Variants in CD226 observed in about 807,000 individuals in gnomAD.
CD226 encodes CD226 antigen.
CD226 carries 24 observed loss-of-function variants against 34.9 expected under a neutral mutation model. The ratio of observed to expected loss-of-function variants is 0.69; its 90% confidence interval spans 0.50 to 0.97. The LOEUF (loss-of-function observed/expected upper bound fraction) is 0.97, where lower values mean the gene tolerates loss of function less well. Among genes scored for constraint, CD226 ranks in the 50% least tolerant of loss-of-function variants. The pLI is 0.00. For synonymous variants in CD226, 148 were observed against 147.4 expected (o/e 1.00, Z -0.03); for missense variants, 397 against 412.7 (o/e 0.96, Z 0.33).
Position 69,864,278 on chromosome 18 carries a change from A to C in CD226, c.*36T>G. ...ATAAAGATCCATGCATGAGTACATAAGAGTCATTACTAATGCACTCATGTC... is the reference window on the plus strand; with the variant it reads ...ATAAAGATCCATGCATGAGTACATACGAGTCATTACTAATGCACTCATGTC... On this transcript the variant is annotated 3_prime_UTR_variant, in exon 6 of 6. Transcript: ENST00000582621. The C allele has an allele frequency of 6.2e-7, 1 of 1,608,578 alleles. No homozygotes were observed. The highest frequency in any genetic ancestry group is 8.5e-7 in the Non-Finnish European group (1 of 1,175,386).
In CD226 at chr18:69,939,224, T is replaced by A. The variant is rs77692025; in HGVS notation, c.382+7510A>T. Among the ~76,000 whole-genome samples, 16 of 152,368 alleles carry A rather than the reference T, an allele frequency of 1.1e-4. No homozygotes were observed. In the East Asian group the frequency reaches 3.1e-3, roughly 29 times the overall value. On this transcript the variant is annotated intron_variant, in intron 2 of 5. Transcript: ENST00000582621. ...AAAGACCCTTTCAGCCCTTCCTGAT[T>A]CTATTCTATCCCCCACCTACCATGT...
At chr18:69,897,172 A>G (rs1445023852) in intron 2 of CD226, among the ~76,000 whole-genome samples, 2 of 152,210 alleles carry the variant, frequency 1.3e-5, no homozygotes, top group Admixed American at 1.3e-4. Flanking sequence ...TGCATGCTTG[A>G]AAATTCTTGT....
At chr18:69,883,964 G>A (rs1242257248) in intron 3 of CD226, among the ~76,000 whole-genome samples, 1 of 152,242 alleles carries the variant, frequency 6.6e-6, no homozygotes, top group East Asian at 1.9e-4. Flanking sequence ...GGGATAAACT[G>A]CCTGGGCAAA....
chr18:69,880,941 G>A (rs576167700), intron 3 of CD226, among the ~76,000 whole-genome samples: 1 of 152,246 alleles, frequency 6.6e-6, no homozygotes, highest in Non-Finnish European at 1.5e-5. Flanking sequence ...GTGAGCCACA[G>A]CACCCAGCCA....
upstream of CD226, among the ~76,000 whole-genome samples, chr18:69,959,774 G>A (rs2055921004): frequency 6.6e-6 from 1 of 152,202 alleles, no homozygotes; most frequent in South Asian, 2.1e-4. Flanking sequence ...GCTGCTGACT[G>A]ACGATACCTG....
chr18:69,927,586 G>A (rs745689209), intron 2 of CD226, among the ~76,000 whole-genome samples: 15 of 151,792 alleles, frequency 9.9e-5, no homozygotes, highest in Non-Finnish European at 2.9e-5. Flanking sequence ...CTGAATCAAT[G>A]AATTTGACTC....
At chr18:69,911,739 G>A (rs1408412796) in intron 2 of CD226, among the ~76,000 whole-genome samples, 1 of 152,032 alleles carries the variant, frequency 6.6e-6, no homozygotes, top group African/African-American at 2.4e-5. Context: ...CTAATCACTT[G>A]ATTAAAATAA....
In CD226 at chr18:69,862,329, T is replaced by C. The variant is rs377625220; in HGVS notation, c.*1985A>G. The C allele has an allele frequency of 1.3e-5, 2 of 152,308 alleles. No homozygotes were observed. The highest frequency in any genetic ancestry group is 2.9e-5 in the Non-Finnish European group (2 of 67,986). The allele number at this position is 152,308 out of a possible 1,614,324, so 9.4% of individuals were successfully genotyped here. On this transcript the variant is annotated 3_prime_UTR_variant, in exon 6 of 6. Transcript: ENST00000582621. Reference sequence around the variant, plus strand: ...AGTAATATTTTGATTGTCTTTACCATTCAGAAAAGAAATTATTTACCTTTT... The same window carrying C: ...AGTAATATTTTGATTGTCTTTACCACTCAGAAAAGAAATTATTTACCTTTT...
At chr18:69,917,665 T>A (rs1218033741) in intron 2 of CD226, among the ~76,000 whole-genome samples, 1 of 152,194 alleles carries the variant, frequency 6.6e-6, no homozygotes, top group Non-Finnish European at 1.5e-5. Flanking sequence ...AAGTTGATAG[T>A]TTGAGTTTAC....
intron 2 of CD226, among the ~76,000 whole-genome samples, chr18:69,928,524 C>T (rs1400252906): frequency 6.6e-6 from 1 of 152,082 alleles, no homozygotes; most frequent in Non-Finnish European, 1.5e-5. Context: ...AACATGGATT[C>T]CTGTTTTAGG....
Position 69,863,446 on chromosome 18 carries a change from T to C in CD226, c.*868A>G, listed in dbSNP as rs946465076. 4 of 152,214 alleles carry C rather than the reference T, an allele frequency of 2.6e-5. No individual in the cohort carries two copies. Among genetic ancestry groups the C allele is most frequent in the African/African-American group, 7.2e-5 (3 of 41,464 alleles). The allele number at this position is 152,214 out of a possible 1,614,324, so 9.4% of individuals were successfully genotyped here. A position where few individuals can be genotyped will look rare whatever the true frequency, so the allele number is the denominator to read the frequency against. On this transcript the variant is annotated 3_prime_UTR_variant, in exon 6 of 6. Coordinates refer to ENST00000582621, the MANE Select transcript of CD226 (RefSeq NM_001303618.2). ...CAAGAATTCTATACAGAATGAGAGA[T>C]AAATAAATATGAGAATAGTAAAGGA...
intron 2 of CD226, among the ~76,000 whole-genome samples, chr18:69,914,981 G>T (rs77262078): frequency 0.021 from 3,176 of 152,272 alleles, 48 homozygotes; most frequent in Middle Eastern, 0.041. Flanking sequence ...TACCAGAGTT[G>T]TTCATTTTGG....
Position 69,857,817 on chromosome 18 carries a change from T to C in CD226, c.*6497A>G. On this transcript the variant is annotated 3_prime_UTR_variant, in exon 6 of 6. Coordinates refer to ENST00000582621, the MANE Select transcript of CD226 (RefSeq NM_001303618.2). Reference sequence around the variant, plus strand: ...CTCTGCTTTCTTCCTGTAATAATATTGGTTTCTATAGGTCAAATGATACAC... The same window carrying C: ...CTCTGCTTTCTTCCTGTAATAATATCGGTTTCTATAGGTCAAATGATACAC... 1 of 152,174 alleles carries C rather than the reference T, an allele frequency of 6.6e-6. No homozygotes were observed. The highest frequency in any genetic ancestry group is 1.5e-5 in the Non-Finnish European group (1 of 68,038). 9.4% of individuals were successfully genotyped at this position (152,174 alleles called of 1,614,324 possible).
chr18:69,947,000 TAC>T lies in CD226; in HGVS notation c.114_115del (p.Tyr39SerfsTer38), dbSNP rs1454049723. The T allele has an allele frequency of 5.0e-6, 8 of 1,614,210 alleles. No homozygotes were observed. The African/African-American group carries it at 9.3e-5, about 19-fold the overall frequency. ...CTGTGTTAAGATGCCCATTGATGGA[TAC>T]ACACATTCTAGAGACATGTTCTCGG... On this transcript the variant is annotated frameshift_variant, in exon 2 of 6. Transcript: ENST00000582621. LOFTEE classifies it high-confidence loss of function.
chr18:69,923,306 A>G (rs754436189), intron 2 of CD226, among the ~76,000 whole-genome samples: 10 of 152,188 alleles, frequency 6.6e-5, no homozygotes, highest in Non-Finnish European at 1.5e-4. Context: ...ATAATGTTGG[A>G]AGGCAAGTGT....
intron 2 of CD226, among the ~76,000 whole-genome samples, chr18:69,940,386 A>G (rs951407793): frequency 6.6e-6 from 1 of 152,262 alleles, no homozygotes; most frequent in Non-Finnish European, 1.5e-5. Flanking sequence ...GGAACTGGGT[A>G]ACAGGTAGAG....
chr18:69,931,046 TGCA>T (rs1249726859), intron 2 of CD226, among the ~76,000 whole-genome samples: 1 of 152,184 alleles, frequency 6.6e-6, no homozygotes, highest in African/African-American at 2.4e-5. Context: ...TGGAATACTA[TGCA>T]GCCATAAAAA....
chr18:69,948,315 A>G (rs1210330040), upstream of CD226, among the ~76,000 whole-genome samples: 7 of 152,206 alleles, frequency 4.6e-5, no homozygotes, highest in Non-Finnish European at 8.8e-5. Context: ...ACTTGTTAGG[A>G]ACATATCAGC....
intron 2 of CD226, among the ~76,000 whole-genome samples, chr18:69,931,549 T>C (rs866815435): frequency 2.0e-5 from 3 of 152,162 alleles, no homozygotes; most frequent in Non-Finnish European, 4.4e-5. Flanking sequence ...TGGAGGTGTG[T>C]GCACTGCAAA....
Sources: allele counts gnomAD v4.1 joint callset (sites outside exome capture counted in the v4.1 genomes callset), GRCh38; gene constraint gnomAD v4.1.1; transcripts MANE v1.5; gene names NCBI Gene and HGNC (gene_info 2026-07-23, HGNC 2026-07-21).